The following ZNF469 variants were observed in gnomAD, a reference collection of about 807,000 sequenced individuals.
ZNF469 encodes zinc finger protein 469.
A neutral mutation model predicts 1.0 loss-of-function variants in ZNF469; 1 was observed. The observed-to-expected ratio is 1.00, with a 90% confidence interval of 0.35 to 4.73. The LOEUF (loss-of-function observed/expected upper bound fraction) is 4.73, where lower values mean the gene tolerates loss of function less well. Ranked by LOEUF, ZNF469 falls within the 30% of genes most tolerant of loss-of-function variation. The probability of loss-of-function intolerance (pLI) is 0.16; values close to 1 mark genes in which losing one functional copy is unlikely to be tolerated. For missense variants in ZNF469, 6,100 were observed against 5,356.3 expected (o/e 1.14, Z -4.33); for synonymous variants, 2,703 against 2,363.4 (o/e 1.14, Z -4.17).
chr16:88,110,368 G>A, the ZNF469 span, among the ~76,000 whole-genome samples: 8 of 152,274 alleles, frequency 5.3e-5, no homozygotes, highest in African/African-American at 1.2e-4. Flanking sequence ...CGCTCACGCC[G>A]GACTGAACTG....
chr16:88,345,409 G>C, the ZNF469 span, among the ~76,000 whole-genome samples: 1 of 152,222 alleles, frequency 6.6e-6, no homozygotes, highest in Non-Finnish European at 1.5e-5. Flanking sequence ...GCAGCTCCGT[G>C]TGGCCCAGGG....
chr16:88,224,559 C>A, the ZNF469 span, among the ~76,000 whole-genome samples: 1 of 152,176 alleles, frequency 6.6e-6, no homozygotes, highest in Admixed American at 6.5e-5. Context: ...GTGGTAAACC[C>A]GTCAGCTTCT....
chr16:88,263,403 T>G, the ZNF469 span, among the ~76,000 whole-genome samples: 45,870 of 152,116 alleles, frequency 0.3, 7,506 homozygotes, highest in East Asian at 0.62. Flanking sequence ...GCTCCCTGTG[T>G]CTGCCCAGAA....
At chr16:88,168,850 C>A in the ZNF469 span, among the ~76,000 whole-genome samples, 1 of 152,158 alleles carries the variant, frequency 6.6e-6, no homozygotes, top group Non-Finnish European at 1.5e-5. The surrounding 1 kb of genome is among the most constrained non-coding windows in gnomAD (Gnocchi z 4.3). Flanking sequence ...AATCCCAGAG[C>A]TTTGGGAAGC....
the ZNF469 span, among the ~76,000 whole-genome samples, chr16:88,121,759 G>C: frequency 6.6e-6 from 1 of 152,224 alleles, no homozygotes; most frequent in African/African-American, 2.4e-5. Flanking sequence ...GCAGAGTTCT[G>C]ATATAACTGT....
At chr16:88,231,049 G>T in the ZNF469 span, among the ~76,000 whole-genome samples, 1 of 152,136 alleles carries the variant, frequency 6.6e-6, no homozygotes, top group Non-Finnish European at 1.5e-5. This position sits in a 1 kb window ranked among gnomAD's most constrained non-coding sequence, Gnocchi z 4.5. Flanking sequence ...CAGACCAGCC[G>T]CACGTGCCCT....
chr16:88,344,647 G>A, the ZNF469 span, among the ~76,000 whole-genome samples: 14 of 152,290 alleles, frequency 9.2e-5, no homozygotes, highest in Non-Finnish European at 1.5e-4. Context: ...GGCGGTGCCC[G>A]GGCCCTCTCT....
chr16:88,135,394 C>T, the ZNF469 span, among the ~76,000 whole-genome samples: 1 of 152,236 alleles, frequency 6.6e-6, no homozygotes, highest in Admixed American at 6.5e-5. Flanking sequence ...ACTCTGTTGT[C>T]AGTGACACCG....
chr16:88,273,616 A>G, the ZNF469 span, among the ~76,000 whole-genome samples: 3 of 152,198 alleles, frequency 2.0e-5, no homozygotes, highest in Admixed American at 1.3e-4. Flanking sequence ...AATTAAAACT[A>G]TATCTGCTTT....
chr16:88,328,072 C>A, the ZNF469 span, among the ~76,000 whole-genome samples: 4 of 152,220 alleles, frequency 2.6e-5, no homozygotes, highest in Admixed American at 2.6e-4. Context: ...GAAGGGCACA[C>A]GCCATGGGAG....
At chr16:88,220,420 C>T in the ZNF469 span, among the ~76,000 whole-genome samples, 6 of 152,156 alleles carry the variant, frequency 3.9e-5, no homozygotes, top group Non-Finnish European at 8.8e-5. Context: ...GGATTCCCAC[C>T]GTATGAGAGC....
At chr16:88,193,129 GTGATGGTGGTGA>G in the ZNF469 span, among the ~76,000 whole-genome samples, 25 of 23,508 alleles carry the variant, frequency 1.1e-3, 2 homozygotes, top group South Asian at 5.2e-3. Context: ...GGTGGTGGTG[GTGATGGTGGTGA>G]TGGTGGTGGG....
the ZNF469 span, among the ~76,000 whole-genome samples, chr16:88,143,332 C>G: frequency 6.6e-6 from 1 of 152,252 alleles, no homozygotes; most frequent in Non-Finnish European, 1.5e-5. Flanking sequence ...CCGTCTCCAG[C>G]CTTAAGGAGG....
the ZNF469 span, among the ~76,000 whole-genome samples, chr16:88,235,346 C>G: frequency 6.6e-6 from 1 of 152,208 alleles, no homozygotes; most frequent in Non-Finnish European, 1.5e-5. Context: ...CCCCAGTGCC[C>G]TCCTTCTGAG....
chr16:88,437,062 G>A lies in ZNF469; in HGVS notation c.9592G>A (p.Ala3198Thr), dbSNP rs761848003. 1 of 1,539,518 alleles carries A rather than the reference G, an allele frequency of 6.5e-7. No individual in the cohort carries two copies. ...GTACAACGAGCACCTGCGTGAGCAC[G>A]CGGTCCGCTTCGCCCGCAGGGGGCA... ...WMYNEHLREH[A>T]VRFARRGQAR... Residue 3198 changes from alanine (A) to threonine (T), a missense_variant, in exon 3 of 3, where the codon GCG becomes ACG. Transcript: ENST00000565624.
chr16:88,255,098 T>G, the ZNF469 span, among the ~76,000 whole-genome samples: 2 of 152,342 alleles, frequency 1.3e-5, no homozygotes, highest in South Asian at 4.1e-4. Flanking sequence ...CTCAAATTGC[T>G]TAGGGTCCGA....
At chr16:88,299,318 G>C in the ZNF469 span, among the ~76,000 whole-genome samples, 1 of 152,058 alleles carries the variant, frequency 6.6e-6, no homozygotes, top group African/African-American at 2.4e-5. Flanking sequence ...TGCAGCAGGA[G>C]AGGGCTTCCT....
At chr16:88,209,820 T>C in the ZNF469 span, among the ~76,000 whole-genome samples, 1 of 152,356 alleles carries the variant, frequency 6.6e-6, no homozygotes, top group South Asian at 2.1e-4. Flanking sequence ...CTGTGGGCAT[T>C]CCAGTTGTTT....
At chr16:88,321,665 C>T in the ZNF469 span, among the ~76,000 whole-genome samples, 3 of 152,052 alleles carry the variant, frequency 2.0e-5, no homozygotes, top group South Asian at 2.1e-4. Flanking sequence ...GGATTCTGCT[C>T]ATAAGGCCTC....
Sources: allele counts gnomAD v4.1 joint callset (sites outside exome capture counted in the v4.1 genomes callset), GRCh38; gene constraint gnomAD v4.1.1; non-coding constraint Gnocchi (gnomAD v3.1); transcripts MANE v1.5; gene names NCBI Gene and HGNC (gene_info 2026-07-23, HGNC 2026-07-21).